The following TENT5D variants were observed in gnomAD, a reference collection of about 807,000 sequenced individuals.
The protein encoded by TENT5D is cancer/testis antigen 112.
For synonymous variants in TENT5D, 103 were observed against 100.6 expected (o/e 1.02, Z -0.15); for missense variants, 191 against 287.0 (o/e 0.67, Z 2.42).
upstream of TENT5D, among the ~76,000 whole-genome samples, chrX:80,417,280 G>A (rs73223484): frequency 0.12 from 13,248 of 110,442 alleles, 900 homozygotes; most frequent in East Asian, 0.48. Flanking sequence ...CCTTTTACTT[G>A]AGGCATTTAA....
upstream of TENT5D, among the ~76,000 whole-genome samples, chrX:80,419,980 G>T (rs1931853521): frequency 8.9e-6 from 1 of 112,023 alleles, no homozygotes; most frequent in South Asian, 3.7e-4. Context: ...CTTCCAAATT[G>T]CTGGGATTAC....
At chrX:80,344,334 C>G (rs760406373) in intron 3 of TENT5D, among the ~76,000 whole-genome samples, 6 of 111,002 alleles carry the variant, frequency 5.4e-5, no homozygotes, top group Non-Finnish European at 1.1e-4. Flanking sequence ...ATTGCTGGGT[C>G]AAATGGTAGT....
chrX:80,421,955 A>T (rs765398830), intron 1 of TENT5D, among the ~76,000 whole-genome samples: 1 of 111,334 alleles, frequency 9.0e-6, no homozygotes, highest in Non-Finnish European at 1.9e-5. Flanking sequence ...GGGTGGGAAA[A>T]AAAGTGGAGG....
At chrX:80,382,109 T>C (rs1258456231) in intron 3 of TENT5D, among the ~76,000 whole-genome samples, 1 of 111,657 alleles carries the variant, frequency 9.0e-6, no homozygotes, top group East Asian at 2.8e-4. Context: ...CCTTTGATCT[T>C]TGATGATGGT....
intron 1 of TENT5D, among the ~76,000 whole-genome samples, chrX:80,421,560 G>A (rs927998482): frequency 1.1e-4 from 12 of 112,521 alleles, no homozygotes; most frequent in Admixed American, 6.6e-4. Flanking sequence ...TTTAATGCAA[G>A]TAAAGTTTAG....
chrX:80,362,585 C>T (rs963842089), intron 3 of TENT5D, among the ~76,000 whole-genome samples: 2 of 111,907 alleles, frequency 1.8e-5, no homozygotes, highest in African/African-American at 6.5e-5. Flanking sequence ...TTGCCCTTTG[C>T]TTTTTTATTT....
intron 2 of TENT5D, among the ~76,000 whole-genome samples, chrX:80,441,814 A>C (rs1569376614): frequency 9.0e-6 from 1 of 110,839 alleles, no homozygotes; most frequent in Non-Finnish European, 1.9e-5. Context: ...TCTTATTCTC[A>C]TTTCAGGTAC....
Position 80,349,984 on chromosome X carries a change from G to T in TENT5D, c.-142+7420G>T, listed in dbSNP as rs902885144. On this transcript the variant is annotated intron_variant, in intron 3 of 4. Transcript: ENST00000538312. ...TTTTGAGTGAGTTTCTTAATCCTGA[G>T]TTCTAATTTGATTGCACTGTGGTCT... 4.5e-5 allele frequency among the ~76,000 whole-genome samples: 5 copies of T among 111,416 alleles called. No homozygotes were observed. The East Asian group carries it at 1.4e-3, about 31-fold the overall frequency.
intron 1 of TENT5D, among the ~76,000 whole-genome samples, chrX:80,431,449 A>G (rs1461553319): frequency 1.8e-5 from 2 of 111,986 alleles, no homozygotes; most frequent in East Asian, 5.6e-4. Context: ...AGTTAGAAAG[A>G]GAGTTTTAGG....
intron 3 of TENT5D, among the ~76,000 whole-genome samples, chrX:80,382,593 CAGAGGAGGGGT>C (rs1930890155): frequency 1.1e-5 from 1 of 90,645 alleles, no homozygotes; most frequent in East Asian, 8.2e-4. Context: ...GAGGGGTCTG[CAGAGGAGGGGT>C]CTGCAGAGGC....
chrX:80,442,432 G>A (rs1602226296), intron 2 of TENT5D, 90 bp from the exon 3 acceptor site: 2 of 560,379 alleles, frequency 3.6e-6, no homozygotes, highest in East Asian at 7.3e-5. Context: ...TTTATGTTGA[G>A]GGTAAGTCTA....
exon 3 of TENT5D, chrX:80,443,174 A>G (rs112952835): frequency 8.3e-7 from 1 of 1,211,372 alleles, no homozygotes; most frequent in South Asian, 1.8e-5. Flanking sequence ...GGAGACTTCC[A>G]GGAAGCAATG....
At chrX:80,419,214 T>TTA (rs1218026249), upstream of TENT5D, among the ~76,000 whole-genome samples, 2 of 111,899 alleles carry the variant, frequency 1.8e-5, no homozygotes, top group Non-Finnish European at 3.8e-5. Flanking sequence ...ATATTCAGTA[T>TTA]TATATATATC....
At chrX:80,437,295 T>G (rs1277408244) in intron 1 of TENT5D, among the ~76,000 whole-genome samples, 1 of 111,900 alleles carries the variant, frequency 8.9e-6, no homozygotes, top group East Asian at 2.8e-4. Flanking sequence ...CTTGCCTGGC[T>G]TATTGGTCCA....
At chrX:80,432,702 C>A (rs1932110250) in intron 1 of TENT5D, among the ~76,000 whole-genome samples, 2 of 111,220 alleles carry the variant, frequency 1.8e-5, no homozygotes, top group Non-Finnish European at 3.8e-5. Flanking sequence ...ACATGGAGTT[C>A]TTTGTCTCAT....
upstream of TENT5D, among the ~76,000 whole-genome samples, chrX:80,417,154 G>A (rs979306926): frequency 1.8e-5 from 2 of 110,416 alleles, no homozygotes; most frequent in Admixed American, 9.7e-5. Context: ...CCATTTGTAT[G>A]AAAGATTTTT....
intron 3 of TENT5D, among the ~76,000 whole-genome samples, chrX:80,401,013 G>A (rs1333307415): frequency 2.7e-5 from 3 of 111,659 alleles, no homozygotes; most frequent in African/African-American, 9.8e-5. Context: ...GAGTAGTATG[G>A]ACATTATAAC....
chrX:80,410,922 T>TGATGA (rs1302646823), intron 3 of TENT5D, among the ~76,000 whole-genome samples: 1 of 105,970 alleles, frequency 9.4e-6, no homozygotes, highest in Non-Finnish European at 1.9e-5. Flanking sequence ...CCATAGAAAA[T>TGATGA]GATGAGTTCA....
chrX:80,357,546 C>T (rs1488104459), intron 3 of TENT5D, among the ~76,000 whole-genome samples: 11 of 110,771 alleles, frequency 9.9e-5, no homozygotes, highest in South Asian at 7.7e-4. Context: ...GTTTTTTGGC[C>T]GCATAAATGT....
Sources: gnomAD v4.1 joint callset for allele counts (sites outside exome capture counted in the v4.1 genomes callset) on GRCh38, gnomAD v4.1.1 for gene constraint, MANE v1.5 for transcripts, NCBI Gene and HGNC (gene_info 2026-07-23, HGNC 2026-07-21) for gene names.